Variants in AP3B1 observed in about 807,000 individuals in gnomAD.
AP3B1 encodes AP-3 complex subunit beta-1.
A neutral mutation model predicts 132.5 loss-of-function variants in AP3B1; 61 were observed. The ratio of observed to expected loss-of-function variants is 0.46; its 90% CI spans 0.37 to 0.57. The LOEUF is 0.57. Ranked by LOEUF, AP3B1 falls within the 20% of genes least tolerant of loss-of-function variation. The pLI is 0.00. For missense variants in AP3B1, 1,120 were observed against 1,289.4 expected (o/e 0.87, Z 2.01); for synonymous variants, 388 against 438.3 (o/e 0.89, Z 1.43).
At chr5:78,169,165 A>G (rs1743796803) in intron 11 of AP3B1, among the ~76,000 whole-genome samples, 1 of 152,112 alleles carries the variant, frequency 6.6e-6, no homozygotes, top group Non-Finnish European at 1.5e-5. Context: ...TAATCACTAT[A>G]GATTTATATT....
At chr5:78,290,194 G>A (rs77096808) in intron 1 of AP3B1, among the ~76,000 whole-genome samples, 2,599 of 152,290 alleles carry the variant, frequency 0.017, 81 homozygotes, top group African/African-American at 0.057. Flanking sequence ...ACTACAAATG[G>A]AAAACATCAA....
intron 11 of AP3B1, among the ~76,000 whole-genome samples, chr5:78,166,030 G>A (rs1021685904): frequency 6.6e-6 from 1 of 151,108 alleles, no homozygotes; most frequent in Non-Finnish European, 1.5e-5. Flanking sequence ...GTGAGCAGGA[G>A]AATTGCTGGA....
chr5:78,145,478 A>G (rs1753349889), intron 14 of AP3B1, among the ~76,000 whole-genome samples: 1 of 152,222 alleles, frequency 6.6e-6, no homozygotes, highest in South Asian at 2.1e-4. Flanking sequence ...TCTGAATCCA[A>G]AATTCATACT....
intron 14 of AP3B1, among the ~76,000 whole-genome samples, chr5:78,149,575 C>T (rs953129432): frequency 2.0e-5 from 3 of 152,076 alleles, no homozygotes; most frequent in Admixed American, 6.5e-5. Context: ...CAGCTTACAC[C>T]GAGCACTGTT....
chr5:78,247,410 A>G (rs1455455848), intron 2 of AP3B1, among the ~76,000 whole-genome samples: 2 of 150,998 alleles, frequency 1.3e-5, no homozygotes, highest in East Asian at 3.9e-4. Context: ...AAATTTCCTT[A>G]TTGGTTTTCT....
chr5:78,217,356 T>C (rs1054614168), intron 6 of AP3B1, among the ~76,000 whole-genome samples: 5 of 152,122 alleles, frequency 3.3e-5, no homozygotes, highest in African/African-American at 4.8e-5. Flanking sequence ...CCTGTGGGGA[T>C]TTTATGAATT....
intron 2 of AP3B1, among the ~76,000 whole-genome samples, chr5:78,250,924 A>G (rs1420927711): frequency 6.6e-6 from 1 of 152,200 alleles, no homozygotes; most frequent in African/African-American, 2.4e-5. Context: ...CCTAAAAATG[A>G]CAGGAAAGGT....
chr5:78,044,571 T>G (rs1343398803), intron 22 of AP3B1, among the ~76,000 whole-genome samples: 2 of 152,174 alleles, frequency 1.3e-5, no homozygotes, highest in Non-Finnish European at 2.9e-5. Context: ...AAGGGAAGAC[T>G]ATTTGAAAGT....
chr5:78,194,562 G>T (rs1018164193), intron 7 of AP3B1, among the ~76,000 whole-genome samples: 1 of 152,030 alleles, frequency 6.6e-6, no homozygotes, highest in Non-Finnish European at 1.5e-5. Flanking sequence ...AGAACCATCT[G>T]ACTGAAATCT....
At chr5:78,044,038 A>T in intron 22 of AP3B1, 1 of 304,126 alleles carries the variant, frequency 3.3e-6, no homozygotes, top group Admixed American at 4.1e-5. Flanking sequence ...TCTCCTTGTT[A>T]GAATAGAAGG....
At chr5:78,219,757 T>C (rs1017230249) in intron 6 of AP3B1, among the ~76,000 whole-genome samples, 9 of 152,144 alleles carry the variant, frequency 5.9e-5, no homozygotes, top group Admixed American at 5.2e-4. Flanking sequence ...CTAATTTTCT[T>C]TGAGATCTCA....
At chr5:78,231,914 G>A (rs769513539) in intron 3 of AP3B1, among the ~76,000 whole-genome samples, 11 of 152,228 alleles carry the variant, frequency 7.2e-5, no homozygotes, top group East Asian at 1.9e-4. Context: ...CTAAAGTACC[G>A]TATCTATTAA....
At chr5:78,158,596 A>C (rs55892829) in intron 13 of AP3B1, among the ~76,000 whole-genome samples, 25,114 of 152,212 alleles carry the variant, frequency 0.16, 2,597 homozygotes, top group Admixed American at 0.26. Context: ...AAGATGAAGA[A>C]AGGGAGATGC....
At chr5:78,206,752 G>GA (rs1260715798) in intron 7 of AP3B1, among the ~76,000 whole-genome samples, 27 of 151,598 alleles carry the variant, frequency 1.8e-4, no homozygotes, top group Non-Finnish European at 3.5e-4. Flanking sequence ...AATAAAAACT[G>GA]AAAAAAAAGA....
chr5:78,049,990 G>A (rs568035976), intron 22 of AP3B1, among the ~76,000 whole-genome samples: 26 of 152,300 alleles, frequency 1.7e-4, no homozygotes, highest in Non-Finnish European at 2.4e-4. Flanking sequence ...CAGGATCCTT[G>A]TTCCATTTCC....
At chr5:78,096,737 A>C (rs1441024084) in intron 21 of AP3B1, among the ~76,000 whole-genome samples, 6 of 145,892 alleles carry the variant, frequency 4.1e-5, no homozygotes, top group Non-Finnish European at 9.0e-5. Context: ...CCACCCGGCA[A>C]CTGCCCCGTC....
At chr5:78,128,210 A>G (rs763165256) in intron 16 of AP3B1, 50 bp from the exon 17 acceptor site, 6 of 1,451,388 alleles carry the variant, frequency 4.1e-6, no homozygotes, top group Non-Finnish European at 5.7e-6. Flanking sequence ...GCTGTATATA[A>G]CAGAGAACAA....
chr5:78,278,901 G>C (rs1748917459), intron 1 of AP3B1, among the ~76,000 whole-genome samples: 1 of 152,078 alleles, frequency 6.6e-6, no homozygotes, highest in South Asian at 2.1e-4. Context: ...TCTAATGCCT[G>C]ATCTGAGGTG....
In AP3B1 at chr5:78,020,559, C is replaced by A. The variant is rs1580247011; in HGVS notation, c.2992+133G>T. The A allele has an allele frequency of 4.2e-6, 3 of 716,404 alleles. No individual in the cohort carries two copies. In the East Asian group the frequency reaches 8.2e-5, roughly 20 times the overall value. The allele number at this position is 716,404 out of a possible 1,614,324, so 44.4% of individuals were successfully genotyped here. A position where few individuals can be genotyped will look rare whatever the true frequency, so the allele number is the denominator to read the frequency against. ...TAAGGTTGTAAGTGCAAAGCATTAA[C>A]AAAAATTGGAAGATTGTGCACTAAT... On this transcript the variant is annotated intron_variant, in intron 25 of 26. Transcript: ENST00000255194.
Sources: allele counts gnomAD v4.1 joint callset (sites outside exome capture counted in the v4.1 genomes callset), GRCh38; gene constraint gnomAD v4.1.1; transcripts MANE v1.5; gene names NCBI Gene and HGNC (gene_info 2026-07-23, HGNC 2026-07-21).